PDE9A: variants seen among roughly 807,000 people sequenced by gnomAD.
PDE9A encodes high affinity cGMP-specific 3',5'-cyclic phosphodiesterase 9A.
PDE9A carries 60 observed loss-of-function variants against 87.4 expected under a neutral mutation model. The ratio of observed to expected loss-of-function variants is 0.69; its 90% confidence interval spans 0.56 to 0.85. The LOEUF (loss-of-function observed/expected upper bound fraction) is 0.85. Ranked by LOEUF, PDE9A falls within the 40% of genes least tolerant of loss-of-function variation. The pLI is 0.00. For synonymous variants in PDE9A, 272 were observed against 279.4 expected (o/e 0.97, Z 0.27); for missense variants, 665 against 779.0 (o/e 0.85, Z 1.74).
intron 15 of PDE9A, among the ~76,000 whole-genome samples, chr21:42,767,329 G>A (rs974589355): frequency 3.3e-5 from 5 of 152,110 alleles, no homozygotes; most frequent in Non-Finnish European, 7.4e-5. Flanking sequence ...GTCTGGTGTC[G>A]GGACAGCTCC....
intron 8 of PDE9A, among the ~76,000 whole-genome samples, chr21:42,746,782 G>A (rs545699333): frequency 2.6e-5 from 4 of 152,212 alleles, no homozygotes; most frequent in Non-Finnish European, 4.4e-5. Flanking sequence ...CAGGCACGCC[G>A]GGCTGTGGGG....
At position 42,660,010 on chromosome 21, in the gene PDE9A, G is replaced by C. The variant is rs1354973227; in HGVS notation, c.69+6127G>C. Reference sequence around the variant, plus strand: ...CACCTCGGGGCATAAGCCGGGCAGGGAGGCGGCAGGAACTGGGCCCCAGGG... The same window carrying C: ...CACCTCGGGGCATAAGCCGGGCAGGCAGGCGGCAGGAACTGGGCCCCAGGG... On this transcript the variant is annotated intron_variant, in intron 1 of 19. Transcript: ENST00000291539. This position sits in a 1 kb window ranked among gnomAD's most constrained non-coding sequence, Gnocchi z 4.7. Among the ~76,000 whole-genome samples, 2 of 152,230 alleles carry C rather than the reference G, an allele frequency of 1.3e-5. No individual in the cohort carries two copies. The highest frequency in any genetic ancestry group is 2.9e-5 in the Non-Finnish European group (2 of 68,026).
chr21:42,763,553 C>A (rs925052017), intron 14 of PDE9A, among the ~76,000 whole-genome samples: 1 of 152,160 alleles, frequency 6.6e-6, no homozygotes, highest in Non-Finnish European at 1.5e-5. Flanking sequence ...GGGCCCTGCC[C>A]ACACTTTGAT....
Position 42,675,487 on chromosome 21 carries a change from T to C in PDE9A, c.70-10705T>C, listed in dbSNP as rs1007803942. Among the ~76,000 whole-genome samples the C allele has an allele frequency of 1.3e-5, 2 of 152,200 alleles. No individual in the cohort carries two copies. The highest frequency in any genetic ancestry group is 4.8e-5 in the African/African-American group (2 of 41,452). Reference sequence around the variant, plus strand: ...GGCACTTAATAAATGCTCTTATTAGTATGTTTATCTTCATTATGTCCCTAA... The same window carrying C: ...GGCACTTAATAAATGCTCTTATTAGCATGTTTATCTTCATTATGTCCCTAA... On this transcript the variant is annotated intron_variant, in intron 1 of 19. Transcript: ENST00000291539. This position sits in a 1 kb window ranked among gnomAD's most constrained non-coding sequence, Gnocchi z 4.3.
In PDE9A at chr21:42,696,145, G is replaced by A. The variant is rs1048675296; in HGVS notation, c.219-2823G>A. 1.3e-5 allele frequency among the ~76,000 whole-genome samples: 2 copies of A among 152,218 alleles called. No homozygotes were observed. The highest frequency in any genetic ancestry group is 4.8e-5 in the African/African-American group (2 of 41,458). On this transcript the variant is annotated intron_variant, in intron 3 of 19. Coordinates refer to ENST00000291539, the MANE Select transcript of PDE9A (RefSeq NM_002606.3). This position sits in a 1 kb window ranked among gnomAD's most constrained non-coding sequence, Gnocchi z 5.1. Reference sequence around the variant, plus strand: ...GGGGCTGGACTCCATTTGGGTGGATGAGCAGGCCCAGTGCCCCTGTATGAG... The same window carrying A: ...GGGGCTGGACTCCATTTGGGTGGATAAGCAGGCCCAGTGCCCCTGTATGAG...
intron 19 of PDE9A, among the ~76,000 whole-genome samples, chr21:42,775,022 A>G (rs2057384072): frequency 6.7e-6 from 1 of 149,768 alleles, no homozygotes; most frequent in African/African-American, 2.5e-5. Context: ...GCTCACTGCA[A>G]TCTCCACCTC....
intron 14 of PDE9A, among the ~76,000 whole-genome samples, chr21:42,763,710 CTAAG>C (rs958834291): frequency 2.6e-5 from 4 of 152,244 alleles, no homozygotes; most frequent in African/African-American, 4.8e-5. Flanking sequence ...CATTCGAAGT[CTAAG>C]TGGCTTCCTT....
At chr21:42,677,904 A>C (rs1180335852) in intron 1 of PDE9A, among the ~76,000 whole-genome samples, 3 of 152,118 alleles carry the variant, frequency 2.0e-5, no homozygotes, top group African/African-American at 7.2e-5. Context: ...CAGTCTCCCA[A>C]AGAGCTAGGA....
chr21:42,690,638 C>T (rs2059772138), intron 3 of PDE9A, among the ~76,000 whole-genome samples: 1 of 152,046 alleles, frequency 6.6e-6, no homozygotes, highest in Admixed American at 6.5e-5. Context: ...CTTCCATTCC[C>T]TCTGCCACTG....
At chr21:42,670,320 T>TCACA (rs374288408) in intron 1 of PDE9A, among the ~76,000 whole-genome samples, 8,007 of 139,538 alleles carry the variant, frequency 0.057, 916 homozygotes, top group African/African-American at 0.21. Context: ...GACACCACAC[T>TCACA]CACATTCACA....
intron 1 of PDE9A, among the ~76,000 whole-genome samples, chr21:42,658,401 G>A (rs998606859): frequency 3.3e-5 from 5 of 152,216 alleles, no homozygotes; most frequent in African/African-American, 9.6e-5. Flanking sequence ...ATGAGCTGCT[G>A]TTTCCCCCAG....
chr21:42,667,141 C>A (rs1257760989), intron 1 of PDE9A, among the ~76,000 whole-genome samples: 1 of 152,236 alleles, frequency 6.6e-6, no homozygotes, highest in East Asian at 1.9e-4. Context: ...GCAAACAACC[C>A]CAACATGCTT....
At chr21:42,701,251 C>T (rs986347580) in intron 4 of PDE9A, 20 of 151,564 alleles carry the variant, frequency 1.3e-4, no homozygotes, top group African/African-American at 3.7e-4. Flanking sequence ...TTTCAATTTC[C>T]GGTAGTTTTT....
intron 4 of PDE9A, 52 bp from the exon 5 acceptor site, chr21:42,731,718 C>T: frequency 6.4e-7 from 1 of 1,557,376 alleles, no homozygotes; most frequent in Non-Finnish European, 8.7e-7. Context: ...GACCTGGACA[C>T]TAAGAGGAAA....
At chr21:42,725,402 G>C (rs993620687) in intron 4 of PDE9A, among the ~76,000 whole-genome samples, 1 of 152,038 alleles carries the variant, frequency 6.6e-6, no homozygotes, top group African/African-American at 2.4e-5. Flanking sequence ...ATCATGCCTG[G>C]CTAATTTTGT....
At chr21:42,663,963 A>T (rs2145866032) in intron 1 of PDE9A, among the ~76,000 whole-genome samples, 2 of 152,176 alleles carry the variant, frequency 1.3e-5, no homozygotes, top group South Asian at 4.2e-4. Context: ...TGGGGTCTGG[A>T]GTTTGTGATT....
chr21:42,718,730 G>A (rs2050192499), intron 4 of PDE9A, among the ~76,000 whole-genome samples: 1 of 151,662 alleles, frequency 6.6e-6, no homozygotes, highest in Non-Finnish European at 1.5e-5. Context: ...TTAAAGTCTC[G>A]TTTGCTCATT....
intron 3 of PDE9A, chr21:42,697,537 A>C (rs962473871): frequency 8.9e-7 from 1 of 1,127,404 alleles, no homozygotes. Context: ...ACTACCTGAC[A>C]CTGCAGTGTC....
intron 8 of PDE9A, among the ~76,000 whole-genome samples, chr21:42,750,278 T>C (rs958685599): frequency 6.6e-6 from 1 of 152,302 alleles, no homozygotes; most frequent in South Asian, 2.1e-4. Context: ...CTGGGTAACA[T>C]AGCAAGACCC....
Sources: allele counts gnomAD v4.1 joint callset (sites outside exome capture counted in the v4.1 genomes callset), GRCh38; gene constraint gnomAD v4.1.1; non-coding constraint Gnocchi (gnomAD v3.1); transcripts MANE v1.5; gene names NCBI Gene and HGNC (gene_info 2026-07-23, HGNC 2026-07-21).